The following TRIM58 variants were observed in gnomAD, a reference collection of about 807,000 sequenced individuals.
TRIM58 encodes tripartite motif containing 58, also known as E3 ubiquitin-protein ligase TRIM58.
Under a neutral mutation model 34.1 loss-of-function variants are expected in TRIM58, and 38 were observed. The ratio of observed to expected loss-of-function variants is 1.12; its 90% CI spans 0.86 to 1.46. TRIM58 has a LOEUF of 1.46. Among genes scored for constraint, TRIM58 ranks in the 40% most tolerant of loss-of-function variants. The pLI, the probability that TRIM58 is intolerant of heterozygous loss-of-function variation, is 0.00. For missense variants in TRIM58, 677 were observed against 642.0 expected, an observed-to-expected ratio of 1.05 and a Z score of -0.59; for synonymous variants, 273 against 275.7, an observed-to-expected ratio of 0.99 and a Z score of 0.10.
rs562252593 is a variant in TRIM58, at chr1:247,878,453, C to T, written c.*1964C>T. 8.7e-4 allele frequency among the ~76,000 whole-genome samples: 133 copies of T among 152,226 alleles called. No homozygotes were observed. The highest frequency in any genetic ancestry group is 3.1e-3 in the African/African-American group (128 of 41,528). ...GATTTTTTAATTGTTTGATCATGAG[C>T]GAACACTTCTACTCTCTGTGATAGA... On this transcript the variant is annotated 3_prime_UTR_variant, in exon 6 of 6. Coordinates refer to ENST00000366481, the MANE Select transcript of TRIM58 (RefSeq NM_015431.4).
chr1:247,868,168 C>T (rs555138930), intron 5 of TRIM58, 105 bp downstream of exon 5: 16 of 950,298 alleles, frequency 1.7e-5, no homozygotes, highest in East Asian at 7.9e-5. Context: ...GGGTTTGCCT[C>T]GTATTGTGGT....
At chr1:247,869,639 G>A (rs892727402) in intron 5 of TRIM58, among the ~76,000 whole-genome samples, 1 of 152,172 alleles carries the variant, frequency 6.6e-6, no homozygotes, top group Non-Finnish European at 1.5e-5. Flanking sequence ...TAGGCATGGT[G>A]ACTCATGCAC....
chr1:247,865,478 A>C (rs79322592), intron 3 of TRIM58, among the ~76,000 whole-genome samples: 34,958 of 152,064 alleles, frequency 0.23, 4,266 homozygotes, highest in East Asian at 0.39. Flanking sequence ...TTTCAGTGTC[A>C]CTGGCCAGAA....
chr1:247,869,613 G>A (rs373420846), intron 5 of TRIM58, among the ~76,000 whole-genome samples: 1 of 152,126 alleles, frequency 6.6e-6, no homozygotes, highest in Non-Finnish European at 1.5e-5. Context: ...GACCAAATAC[G>A]TACTTCACAG....
At chr1:247,860,418 A>G (rs1413162371) in intron 1 of TRIM58, among the ~76,000 whole-genome samples, 199 bp from the exon 2 acceptor site, 1 of 136,080 alleles carries the variant, frequency 7.3e-6, no homozygotes, top group Non-Finnish European at 1.6e-5. Context: ...CCATGATCGC[A>G]ACACTGCACA....
At chr1:247,862,433 G>A (rs1031141326) in intron 2 of TRIM58, among the ~76,000 whole-genome samples, 3 of 152,126 alleles carry the variant, frequency 2.0e-5, no homozygotes, top group African/African-American at 7.2e-5. Flanking sequence ...TTTCGATTGG[G>A]TAGTGGCAAT....
chr1:247,864,971 G>A (rs1663888244), intron 3 of TRIM58, 36 bp downstream of exon 3: 1 of 1,521,114 alleles, frequency 6.6e-7, no homozygotes, highest in East Asian at 2.4e-5. Context: ...GCAGATGTGA[G>A]ACTCAGGTGA....
intron 3 of TRIM58, among the ~76,000 whole-genome samples, chr1:247,867,249 G>A (rs1450114720): frequency 6.6e-6 from 1 of 152,118 alleles, no homozygotes; most frequent in East Asian, 1.9e-4. Flanking sequence ...TAAATTCTAT[G>A]AGTACTTAGG....
intron 5 of TRIM58, among the ~76,000 whole-genome samples, chr1:247,869,117 C>A (rs1195698896): frequency 6.6e-6 from 1 of 152,174 alleles, no homozygotes; most frequent in Non-Finnish European, 1.5e-5. Context: ...CCAGGCTGGT[C>A]TCGAACTCCT....
At chr1:247,862,488 G>T (rs1663816506) in intron 2 of TRIM58, among the ~76,000 whole-genome samples, 1 of 152,104 alleles carries the variant, frequency 6.6e-6, no homozygotes, top group Non-Finnish European at 1.5e-5. Context: ...ATTAAATAAT[G>T]TTCATTACTT....
At position 247,876,134 on chromosome 1, in the gene TRIM58, G is replaced by T. The variant is rs763185250; in HGVS notation, c.1106G>T (p.Arg369Ile). The T allele has an allele frequency of 6.2e-7, 1 of 1,614,178 alleles. No individual in the cohort carries two copies. Reference protein sequence around the residue: ...GLGVCQDTLPRKGETTPSPEN... With the variant: ...GLGVCQDTLPIKGETTPSPEN... ...GGGGTCTGTCAAGACACACTGCCAAGAAAGGGGGAAACCACGCCATCTCCT... is the reference window on the plus strand; with the variant it reads ...GGGGTCTGTCAAGACACACTGCCAATAAAGGGGGAAACCACGCCATCTCCT... The change falls in exon 6 of 6, where the codon AGA becomes ATA. Residue 369 changes from arginine to isoleucine, a missense_variant. Coordinates refer to ENST00000366481, the MANE Select transcript of TRIM58 (RefSeq NM_015431.4).
At chr1:247,869,043 G>A (rs1315204132) in intron 5 of TRIM58, among the ~76,000 whole-genome samples, 1 of 152,172 alleles carries the variant, frequency 6.6e-6, no homozygotes, top group African/African-American at 2.4e-5. Flanking sequence ...GGGATTACAG[G>A]CACATGCCAC....
intron 2 of TRIM58, among the ~76,000 whole-genome samples, chr1:247,860,916 C>G (rs1572569709): frequency 6.6e-6 from 1 of 152,170 alleles, no homozygotes; most frequent in East Asian, 1.9e-4. Context: ...CTGCCATCAC[C>G]CAATCCAAAT....
intron 2 of TRIM58, among the ~76,000 whole-genome samples, chr1:247,862,699 G>A (rs1234946329): frequency 1.3e-5 from 2 of 152,174 alleles, no homozygotes; most frequent in African/African-American, 2.4e-5. Flanking sequence ...CTTAAGTAGG[G>A]ATGATACTAA....
chr1:247,861,159 C>T (rs1558348681), intron 2 of TRIM58, among the ~76,000 whole-genome samples: 1 of 152,002 alleles, frequency 6.6e-6, no homozygotes, highest in African/African-American at 2.4e-5. Context: ...TCTATACATA[C>T]ACATATTCCA....
chr1:247,871,996 G>A (rs982730464), intron 5 of TRIM58, among the ~76,000 whole-genome samples: 7 of 152,202 alleles, frequency 4.6e-5, no homozygotes, highest in Non-Finnish European at 8.8e-5. Flanking sequence ...AGAAATGAGC[G>A]CCAAGGCCTG....
chr1:247,872,640 C>G (rs1659166878), intron 5 of TRIM58, among the ~76,000 whole-genome samples: 1 of 152,074 alleles, frequency 6.6e-6, no homozygotes, highest in Admixed American at 6.6e-5. Context: ...GGGTAAAGTT[C>G]AAAGCTAAGC....
intron 3 of TRIM58, among the ~76,000 whole-genome samples, chr1:247,865,194 C>T (rs1480743256): frequency 1.3e-5 from 2 of 152,148 alleles, no homozygotes; most frequent in African/African-American, 4.8e-5. Flanking sequence ...ATTAGGGAGG[C>T]TGAGACAGGA....
intron 1 of TRIM58, 118 bp downstream of exon 1, chr1:247,857,784 C>A (rs951898260): frequency 2.0e-5 from 24 of 1,178,700 alleles, no homozygotes; most frequent in African/African-American, 4.8e-5. Context: ...CCGCTCCCCC[C>A]ACCGCGCGCC....
Sources: gnomAD v4.1 joint callset for allele counts (sites outside exome capture counted in the v4.1 genomes callset) on GRCh38, gnomAD v4.1.1 for gene constraint, MANE v1.5 for transcripts, NCBI Gene and HGNC (gene_info 2026-07-23, HGNC 2026-07-21) for gene names.